Variants in CALN1 observed in about 807,000 individuals in gnomAD.
CALN1 encodes the protein calneuron 1, also known as calcium-binding protein 8.
In CALN1, 17 loss-of-function variants were observed where a neutral mutation model predicts 30.6. The observed-to-expected ratio is 0.56, with a 90% CI of 0.38 to 0.83. The LOEUF (loss-of-function observed/expected upper bound fraction) is 0.83, where lower values mean the gene tolerates loss of function less well. Ranked by LOEUF, CALN1 falls within the 40% of genes least tolerant of loss-of-function variation. CALN1 has a pLI of 0.00. For missense variants in CALN1, 291 were observed against 354.9 expected, an observed-to-expected ratio of 0.82 and a Z score of 1.45; for synonymous variants, 156 against 131.4, an observed-to-expected ratio of 1.19 and a Z score of -1.28.
intron 3 of CALN1, among the ~76,000 whole-genome samples, chr7:72,228,246 G>A (rs1369254630): frequency 2.0e-5 from 3 of 151,746 alleles, no homozygotes; most frequent in Non-Finnish European, 4.4e-5. Flanking sequence ...GGGACTAGAA[G>A]ACTTACCTTA....
chr7:72,198,226 T>C (rs945414543), intron 3 of CALN1, among the ~76,000 whole-genome samples: 1 of 152,204 alleles, frequency 6.6e-6, no homozygotes, highest in African/African-American at 2.4e-5. Context: ...GCTCAGTCAT[T>C]TGTAATCAGA....
chr7:72,345,053 G>A (rs1802566028), intron 2 of CALN1, among the ~76,000 whole-genome samples: 1 of 147,680 alleles, frequency 6.8e-6, no homozygotes, highest in Admixed American at 6.8e-5. Context: ...TATATCGTAT[G>A]TACTGTTATA....
intron 3 of CALN1, among the ~76,000 whole-genome samples, chr7:72,209,187 TCTTTCC>T (rs1792145376): frequency 1.5e-5 from 2 of 135,114 alleles, no homozygotes; most frequent in Admixed American, 7.3e-5. Flanking sequence ...CCTCCTTCCC[TCTTTCC>T]TTCCCTCCTT....
intron 4 of CALN1, among the ~76,000 whole-genome samples, chr7:72,052,228 A>C (rs1802879297): frequency 6.6e-6 from 1 of 152,210 alleles, no homozygotes. Flanking sequence ...AGCAATAACC[A>C]TTTAGAAAAT....
intron 2 of CALN1, among the ~76,000 whole-genome samples, chr7:72,378,618 T>G (rs1804703680): frequency 1.3e-5 from 2 of 152,214 alleles, no homozygotes; most frequent in Admixed American, 1.3e-4. Flanking sequence ...GTAGTCGTCT[T>G]ACACATTACT....
chr7:72,388,123 C>T lies in CALN1; in HGVS notation c.119+15128G>A, dbSNP rs560779334. Among the ~76,000 whole-genome samples, 20 of 152,220 alleles carry T rather than the reference C, an allele frequency of 1.3e-4. 1 individual carries two copies. In the South Asian group the frequency reaches 4.1e-3, roughly 32 times the overall value. ...AGAAGAAAGGACTTTTTAAAATGTT[C>T]TTCCAACAAAGAAATGATAAATGTT... On this transcript the variant is annotated intron_variant, in intron 2 of 6. Transcript: ENST00000395275.
chr7:71,827,651 A>G (rs939671097), intron 5 of CALN1, among the ~76,000 whole-genome samples: 3 of 152,072 alleles, frequency 2.0e-5, no homozygotes, highest in Non-Finnish European at 4.4e-5. Context: ...GGGTGCCTGT[A>G]GTCCCAGCTA....
intron 2 of CALN1, among the ~76,000 whole-genome samples, chr7:72,299,682 C>A (rs925347047): frequency 5.6e-5 from 8 of 142,582 alleles, no homozygotes; most frequent in African/African-American, 1.8e-4. Flanking sequence ...TTAAAAGATG[C>A]TCTTATCTTT....
At chr7:72,382,541 G>A (rs917217440) in intron 2 of CALN1, among the ~76,000 whole-genome samples, 7 of 152,126 alleles carry the variant, frequency 4.6e-5, no homozygotes, top group Non-Finnish European at 1.0e-4. Context: ...GAGGTTTGAG[G>A]TACAATTTTA....
At chr7:72,457,004 C>CT in the CALN1 span, among the ~76,000 whole-genome samples, 1,644 of 106,530 alleles carry the variant, frequency 0.015, 23 homozygotes, top group Non-Finnish European at 0.021. Flanking sequence ...TTCTTTCTTT[C>CT]TTTTTTTTTT....
chr7:71,907,783 A>G lies in CALN1; in HGVS notation c.502-97291T>C, dbSNP rs568098542. On this transcript the variant is annotated intron_variant, in intron 5 of 6. Coordinates refer to ENST00000395275, the MANE Select transcript of CALN1 (RefSeq NM_031468.4). ...AGGAGATGAAAACAATTCAATTCCCATTACGCAGCTGGTATTTGTAATGTG... is the reference window on the plus strand; with the variant it reads ...AGGAGATGAAAACAATTCAATTCCCGTTACGCAGCTGGTATTTGTAATGTG... Among the ~76,000 whole-genome samples the G allele has an allele frequency of 1.5e-4, 23 of 152,328 alleles. No individual in the cohort carries two copies. In the South Asian group the frequency reaches 4.8e-3, roughly 32 times the overall value.
chr7:72,484,566 C>A, the CALN1 span, among the ~76,000 whole-genome samples: 788 of 152,308 alleles, frequency 5.2e-3, 8 homozygotes, highest in African/African-American at 0.017. Context: ...GACTTCCATG[C>A]ACTAATCAAT....
At chr7:72,001,335 G>A (rs779994548) in intron 5 of CALN1, among the ~76,000 whole-genome samples, 1 of 152,190 alleles carries the variant, frequency 6.6e-6, no homozygotes, top group Non-Finnish European at 1.5e-5. Flanking sequence ...GAATGGGCTC[G>A]TGTATGTGCA....
chr7:72,107,668 G>A (rs928013637), intron 3 of CALN1, among the ~76,000 whole-genome samples: 1 of 152,194 alleles, frequency 6.6e-6, no homozygotes, highest in Non-Finnish European at 1.5e-5. Context: ...CAGACCTAGA[G>A]CAGCTTTGAC....
At chr7:72,227,640 T>C (rs1217608011) in intron 3 of CALN1, among the ~76,000 whole-genome samples, 2 of 151,962 alleles carry the variant, frequency 1.3e-5, no homozygotes, top group Non-Finnish European at 2.9e-5. Flanking sequence ...TTGGGTACTA[T>C]GCTCACTACC....
intron 4 of CALN1, among the ~76,000 whole-genome samples, chr7:72,083,702 C>T (rs569923231): frequency 2.0e-5 from 3 of 152,246 alleles, no homozygotes; most frequent in East Asian, 3.9e-4. Context: ...AGGCAGTTCA[C>T]GAGGTTAAGA....
chr7:72,316,059 G>A (rs1448834623), intron 2 of CALN1, among the ~76,000 whole-genome samples: 1 of 151,952 alleles, frequency 6.6e-6, no homozygotes, highest in Non-Finnish European at 1.5e-5. Flanking sequence ...GCTGAGGCAG[G>A]AGAATCGCTT....
intron 5 of CALN1, among the ~76,000 whole-genome samples, chr7:71,928,338 A>C (rs1007068186): frequency 6.6e-6 from 1 of 151,768 alleles, no homozygotes; most frequent in African/African-American, 2.4e-5. Flanking sequence ...AGATGACTCA[A>C]TGGTTGTGTC....
At chr7:71,890,245 CA>C (rs1793163776) in intron 5 of CALN1, among the ~76,000 whole-genome samples, 1 of 152,186 alleles carries the variant, frequency 6.6e-6, no homozygotes, top group Non-Finnish European at 1.5e-5. Flanking sequence ...GCTGGGACTA[CA>C]GGTATGCTAC....
Sources: allele counts gnomAD v4.1 joint callset (sites outside exome capture counted in the v4.1 genomes callset), GRCh38; gene constraint gnomAD v4.1.1; transcripts MANE v1.5; gene names NCBI Gene and HGNC (gene_info 2026-07-23, HGNC 2026-07-21).